Variants in GPHN observed in about 807,000 individuals in gnomAD.
GPHN encodes gephyrin.
Under a neutral mutation model 95.5 loss-of-function variants are expected in GPHN, and 17 were observed. The observed-to-expected ratio is 0.18, with a 90% CI of 0.12 to 0.27. The LOEUF is 0.27. GPHN is among the 10% of genes least tolerant of loss of function. GPHN has a pLI of 1.00. For synonymous variants in GPHN, 320 were observed against 322.5 expected (o/e 0.99, Z 0.08); for missense variants, 660 against 978.1 (o/e 0.67, Z 4.34).
chr14:66,531,082 A>T (rs537498486), intron 1 of GPHN, among the ~76,000 whole-genome samples: 1 of 149,820 alleles, frequency 6.7e-6, no homozygotes, highest in Admixed American at 6.7e-5. Flanking sequence ...AATAGCTGGG[A>T]TTACAGGCAC....
At chr14:66,846,846 C>T (rs940095608) in intron 4 of GPHN, among the ~76,000 whole-genome samples, 10 of 152,084 alleles carry the variant, frequency 6.6e-5, no homozygotes, top group Admixed American at 3.9e-4. Context: ...TAATTGCAAG[C>T]ACAGTGAGAG....
At chr14:66,604,126 G>T (rs2062393665) in intron 1 of GPHN, among the ~76,000 whole-genome samples, 1 of 151,990 alleles carries the variant, frequency 6.6e-6, no homozygotes, top group Non-Finnish European at 1.5e-5. Context: ...TATACATGAG[G>T]AATTCTGACT....
intron 3 of GPHN, among the ~76,000 whole-genome samples, chr14:66,797,365 A>G (rs564402748): frequency 2.0e-5 from 3 of 151,764 alleles, no homozygotes; most frequent in Non-Finnish European, 4.4e-5. Context: ...CCATTTCTGT[A>G]TAGAGTAACA....
chr14:67,504,016 T>A, the GPHN span, among the ~76,000 whole-genome samples: 19 of 147,392 alleles, frequency 1.3e-4, no homozygotes, highest in South Asian at 4.3e-4. Context: ...TTTTAATTTT[T>A]ATTTTTATTA....
intron 1 of GPHN, among the ~76,000 whole-genome samples, chr14:66,620,437 A>G (rs1595270596): frequency 6.6e-6 from 1 of 152,292 alleles, no homozygotes; most frequent in South Asian, 2.1e-4. Flanking sequence ...AGCAAGTCAC[A>G]TGGATCATGG....
chr14:67,695,712 G>C, the GPHN span: 1 of 1,613,370 alleles, frequency 6.2e-7, no homozygotes, highest in African/African-American at 1.3e-5. Context: ...ATCTCTGCCG[G>C]CTGCAGCGGC....
intron 1 of GPHN, among the ~76,000 whole-genome samples, chr14:66,598,851 A>C (rs924726498): frequency 2.0e-5 from 3 of 151,966 alleles, no homozygotes; most frequent in African/African-American, 4.8e-5. Flanking sequence ...AAAAAAAAAA[A>C]AAAAGGAAAG....
the GPHN span, among the ~76,000 whole-genome samples, chr14:67,341,233 G>A: frequency 4.0e-5 from 6 of 150,962 alleles, no homozygotes; most frequent in South Asian, 2.1e-4. Context: ...AGTGAGGAGC[G>A]TCTCTGCCCG....
the GPHN span, among the ~76,000 whole-genome samples, chr14:67,490,592 C>A: frequency 6.6e-6 from 1 of 152,188 alleles, no homozygotes; most frequent in African/African-American, 2.4e-5. Context: ...AAATTCCCTT[C>A]GCACCATTTT....
intron 12 of GPHN, among the ~76,000 whole-genome samples, chr14:67,100,428 T>A (rs2077632586): frequency 6.6e-6 from 1 of 152,242 alleles, no homozygotes; most frequent in Non-Finnish European, 1.5e-5. Context: ...TATGGATATG[T>A]ATACAAATAG....
At chr14:67,680,166 G>A in the GPHN span, among the ~76,000 whole-genome samples, 3 of 152,210 alleles carry the variant, frequency 2.0e-5, no homozygotes, top group African/African-American at 4.8e-5. Context: ...ACACACTAAA[G>A]TTTGAGAAAT....
chr14:67,585,574 C>A, the GPHN span: 1 of 1,578,266 alleles, frequency 6.3e-7, no homozygotes, highest in Non-Finnish European at 8.6e-7. Flanking sequence ...CCAGCCTGCC[C>A]AGCTGTCTTC....
At chr14:67,645,857 T>C in the GPHN span, 5 of 1,591,600 alleles carry the variant, frequency 3.1e-6, no homozygotes, top group East Asian at 2.2e-5. Context: ...TTTGCTGGAG[T>C]TGGTCTAGTT....
chr14:66,589,647 T>G (rs2061559267), intron 1 of GPHN, among the ~76,000 whole-genome samples: 1 of 152,104 alleles, frequency 6.6e-6, no homozygotes, highest in African/African-American at 2.4e-5. Flanking sequence ...TAAATACATA[T>G]GCACCCAATA....
chr14:67,129,062 C>G (rs1158205172), intron 17 of GPHN, among the ~76,000 whole-genome samples: 2 of 151,858 alleles, frequency 1.3e-5, no homozygotes, highest in Non-Finnish European at 1.5e-5. Flanking sequence ...GTTCCACCTG[C>G]CTTGGCCTCC....
intron 3 of GPHN, among the ~76,000 whole-genome samples, chr14:66,807,239 G>T (rs2060580497): frequency 1.3e-5 from 2 of 152,118 alleles, no homozygotes; most frequent in African/African-American, 2.4e-5. Context: ...CTGCCCCCAT[G>T]ATTCAATTAC....
At chr14:67,419,233 G>T in the GPHN span, among the ~76,000 whole-genome samples, 2 of 152,102 alleles carry the variant, frequency 1.3e-5, no homozygotes, top group African/African-American at 4.8e-5. Flanking sequence ...AACAAGAGAG[G>T]GGCAGAACCT....
intron 1 of GPHN, among the ~76,000 whole-genome samples, chr14:66,581,344 T>A (rs1566639719): frequency 1.3e-5 from 2 of 151,772 alleles, no homozygotes; most frequent in African/African-American, 4.8e-5. Flanking sequence ...CTTAAAATAG[T>A]CTAACTGTAA....
At chr14:66,684,891 C>T (rs908838662) in intron 2 of GPHN, among the ~76,000 whole-genome samples, 4 of 151,984 alleles carry the variant, frequency 2.6e-5, no homozygotes, top group Admixed American at 6.6e-5. Context: ...CTAATGCTGT[C>T]CCTCCCCTCT....
Sources: allele counts gnomAD v4.1 joint callset (sites outside exome capture counted in the v4.1 genomes callset), GRCh38; gene constraint gnomAD v4.1.1; transcripts MANE v1.5; gene names NCBI Gene and HGNC (gene_info 2026-07-23, HGNC 2026-07-21).